The following RIT2 variants were observed in gnomAD, a reference collection of about 807,000 sequenced individuals.
RIT2 encodes Ras like without CAAX 2.
In RIT2, 24 loss-of-function variants were observed where a neutral mutation model predicts 23.7. The observed-to-expected ratio is 1.01, with a 90% CI of 0.73 to 1.43. The LOEUF is 1.43. Among genes scored for constraint, RIT2 ranks in the 40% most tolerant of loss-of-function variants. The probability of loss-of-function intolerance (pLI) is 0.00; values close to 1 mark genes in which losing one functional copy is unlikely to be tolerated. For missense variants in RIT2, 236 were observed against 266.9 expected (o/e 0.88, Z 0.81); for synonymous variants, 107 against 91.1 (o/e 1.17, Z -0.99).
At chr18:42,940,579 T>C (rs936084890) in intron 3 of RIT2, among the ~76,000 whole-genome samples, 1 of 151,834 alleles carries the variant, frequency 6.6e-6, no homozygotes, top group African/African-American at 2.4e-5. Context: ...CACACAGCAC[T>C]TAGTAGGTCC....
At chr18:42,976,127 A>T (rs1910473076) in intron 2 of RIT2, among the ~76,000 whole-genome samples, 1 of 151,972 alleles carries the variant, frequency 6.6e-6, no homozygotes, top group South Asian at 2.1e-4. Flanking sequence ...TTCCATTGTG[A>T]TTGGAAAAGA....
intron 4 of RIT2, among the ~76,000 whole-genome samples, chr18:42,815,047 C>T (rs1364883091): frequency 6.6e-6 from 1 of 152,174 alleles, no homozygotes; most frequent in Non-Finnish European, 1.5e-5. Context: ...GACCGTTTCT[C>T]TGACACAGCC....
At chr18:43,099,680 A>G (rs190816757) in intron 1 of RIT2, among the ~76,000 whole-genome samples, 17 of 152,226 alleles carry the variant, frequency 1.1e-4, no homozygotes, top group Non-Finnish European at 1.9e-4. Context: ...TTGTCTCTCT[A>G]TAATATCAAG....
At chr18:42,770,764 A>G (rs957668960) in intron 4 of RIT2, among the ~76,000 whole-genome samples, 2 of 151,834 alleles carry the variant, frequency 1.3e-5, no homozygotes, top group African/African-American at 4.8e-5. Context: ...AGACTGTTCA[A>G]TACAATCTTT....
At chr18:43,039,734 G>T (rs1320097114) in intron 1 of RIT2, among the ~76,000 whole-genome samples, 2 of 152,074 alleles carry the variant, frequency 1.3e-5, no homozygotes, top group Non-Finnish European at 1.5e-5. Flanking sequence ...TGGTACTTTG[G>T]CTCTGCGGAA....
At chr18:42,955,801 T>C (rs1909958313) in intron 3 of RIT2, among the ~76,000 whole-genome samples, 1 of 152,190 alleles carries the variant, frequency 6.6e-6, no homozygotes, top group South Asian at 2.1e-4. Flanking sequence ...GTCCAAAACA[T>C]TTACTTCACC....
chr18:43,021,924 C>T (rs990848875), intron 2 of RIT2, among the ~76,000 whole-genome samples: 5 of 151,956 alleles, frequency 3.3e-5, no homozygotes, highest in Middle Eastern at 3.2e-3. Flanking sequence ...AAAAGTAGAA[C>T]GATCATATAA....
intron 1 of RIT2, among the ~76,000 whole-genome samples, chr18:43,067,178 G>C (rs1429317756): frequency 6.6e-6 from 1 of 152,028 alleles, no homozygotes; most frequent in African/African-American, 2.4e-5. Flanking sequence ...GGTAAAACTA[G>C]TTAGTAGGAC....
At chr18:43,071,141 G>C (rs1202338618) in intron 1 of RIT2, among the ~76,000 whole-genome samples, 1 of 152,108 alleles carries the variant, frequency 6.6e-6, no homozygotes, top group South Asian at 2.1e-4. Flanking sequence ...CTATAAGCAA[G>C]GGAAATTTTT....
intron 1 of RIT2, among the ~76,000 whole-genome samples, chr18:43,109,966 A>C (rs1317686214): frequency 2.0e-5 from 3 of 152,176 alleles, no homozygotes; most frequent in Admixed American, 6.5e-5. Flanking sequence ...TTAGATGTAG[A>C]AAGCCTGTGT....
At chr18:42,751,236 T>A (rs986463998) in intron 4 of RIT2, among the ~76,000 whole-genome samples, 2 of 151,900 alleles carry the variant, frequency 1.3e-5, no homozygotes, top group African/African-American at 4.8e-5. Context: ...CATAGAAAGG[T>A]AATTTTTCTT....
intron 3 of RIT2, among the ~76,000 whole-genome samples, chr18:42,934,111 G>T (rs1909397019): frequency 6.6e-6 from 1 of 151,374 alleles, no homozygotes; most frequent in Non-Finnish European, 1.5e-5. Context: ...AGCAGCATGG[G>T]AACAGACTAA....
intron 1 of RIT2, among the ~76,000 whole-genome samples, chr18:43,097,547 T>G (rs1913583269): frequency 6.6e-6 from 1 of 151,912 alleles, no homozygotes; most frequent in African/African-American, 2.4e-5. Flanking sequence ...GTAGGATATC[T>G]TATGCAAAAG....
At chr18:42,937,335 C>T (rs1296939239) in intron 3 of RIT2, among the ~76,000 whole-genome samples, 1 of 152,056 alleles carries the variant, frequency 6.6e-6, no homozygotes. Flanking sequence ...ATAATTTGGC[C>T]AACAATTTTG....
At chr18:42,796,539 C>G (rs1207872427) in intron 4 of RIT2, among the ~76,000 whole-genome samples, 1 of 152,126 alleles carries the variant, frequency 6.6e-6, no homozygotes, top group Non-Finnish European at 1.5e-5. Flanking sequence ...TTTAGGCATT[C>G]CTATGAGATG....
intron 2 of RIT2, among the ~76,000 whole-genome samples, chr18:43,024,763 T>C (rs1911672524): frequency 6.7e-6 from 1 of 149,974 alleles, no homozygotes; most frequent in African/African-American, 2.5e-5. Flanking sequence ...CATTATAAAG[T>C]GGGCAAAGAA....
chr18:42,922,643 C>G (rs1032896477), intron 4 of RIT2, among the ~76,000 whole-genome samples: 1 of 152,040 alleles, frequency 6.6e-6, no homozygotes, highest in Non-Finnish European at 1.5e-5. Flanking sequence ...GGGAGGAAGC[C>G]ATCATAGTTC....
intron 1 of RIT2, among the ~76,000 whole-genome samples, chr18:43,043,338 C>T (rs916266201): frequency 6.6e-6 from 1 of 152,118 alleles, no homozygotes; most frequent in Non-Finnish European, 1.5e-5. Flanking sequence ...AATTGGTTTT[C>T]ATTAATTCCT....
chr18:42,803,160 G>A (rs11874179), intron 4 of RIT2, among the ~76,000 whole-genome samples: 11,062 of 152,194 alleles, frequency 0.073, 1,283 homozygotes, highest in African/African-American at 0.25. Context: ...GATTATCTGC[G>A]TATTTATCGT....
Sources: allele counts gnomAD v4.1 joint callset (sites outside exome capture counted in the v4.1 genomes callset), GRCh38; gene constraint gnomAD v4.1.1; transcripts MANE v1.5; gene names NCBI Gene and HGNC (gene_info 2026-07-23, HGNC 2026-07-21).